The following URB1 variants were observed in gnomAD, a reference collection of about 807,000 sequenced individuals.
URB1 encodes nucleolar pre-ribosomal-associated protein 1.
URB1 carries 197 observed loss-of-function variants against 242.3 expected under a neutral mutation model. That is an observed-to-expected ratio of 0.81 (90% confidence interval 0.72 to 0.91). URB1 has a LOEUF of 0.91. Among genes scored for constraint, URB1 ranks in the 40% least tolerant of loss-of-function variants. The pLI is 0.00. For synonymous variants in URB1, 1,153 were observed against 1,201.8 expected (o/e 0.96, Z 0.84); for missense variants, 2,721 against 2,860.5 (o/e 0.95, Z 1.11).
chr21:32,374,709 C>G (rs1601154064), intron 6 of URB1, among the ~76,000 whole-genome samples: 1 of 152,350 alleles, frequency 6.6e-6, no homozygotes, highest in East Asian at 1.9e-4. Flanking sequence ...CTGGGCATTA[C>G]AGGATGTTCG....
At chr21:32,353,411 C>T (rs550276175) in intron 18 of URB1, among the ~76,000 whole-genome samples, 1 of 152,290 alleles carries the variant, frequency 6.6e-6, no homozygotes, top group East Asian at 1.9e-4. Flanking sequence ...TCCTAAAGGA[C>T]AGCCAACCAG....
Position 32,316,814 on chromosome 21 carries a change from CA to C in URB1, c.6285del (p.Ala2096ProfsTer50). The C allele has an allele frequency of 6.5e-7, 1 of 1,546,732 alleles. No individual in the cohort carries two copies. Among genetic ancestry groups the C allele is most frequent in the East Asian group, 2.5e-5 (1 of 40,802 alleles). On this transcript the variant is annotated frameshift_variant, in exon 38 of 39. Transcript: ENST00000382751. LOFTEE classifies it high-confidence loss of function. The stretch of plus-strand genomic sequence containing the variant: ...ACCCAACTGACTGCCAGGGAAGCGG[CA>C]GCATATACGGGGCCTGGCGCATCGC... ...PESDAPGPVY[A>X]AASLAVSWVL...
At chr21:32,368,801 C>A (rs1028477827) in intron 8 of URB1, among the ~76,000 whole-genome samples, 3 of 151,564 alleles carry the variant, frequency 2.0e-5, no homozygotes, top group Non-Finnish European at 4.4e-5. Context: ...TCATCCTCTA[C>A]TTCTGAGTGG....
rs772285250 is a variant in URB1 at position 32,314,730 on chromosome 21, G to A, written c.*188C>T. ...TCTGATGCTGGGCACCTACAGGCCC[G>A]AGTTTATCATTTACTGGGCAGTTCA... On this transcript the variant is annotated 3_prime_UTR_variant, in exon 39 of 39. Coordinates refer to ENST00000382751, the MANE Select transcript of URB1 (RefSeq NM_014825.3). 18 of 1,499,644 alleles carry A rather than the reference G, an allele frequency of 1.2e-5. No homozygotes were observed. Among genetic ancestry groups the A allele is most frequent in the South Asian group, 9.2e-5 (8 of 87,308 alleles). The allele number at this position is 1,499,644 out of a possible 1,614,324, so 92.9% of individuals were successfully genotyped here. A position where few individuals can be genotyped will look rare whatever the true frequency, so the allele number is the denominator to read the frequency against.
chr21:32,345,186 C>T (rs2033072113), intron 23 of URB1, among the ~76,000 whole-genome samples, 188 bp downstream of exon 23: 1 of 152,080 alleles, frequency 6.6e-6, no homozygotes, highest in Non-Finnish European at 1.5e-5. Flanking sequence ...GAACCCGACC[C>T]AGCCATCTAC....
At chr21:32,380,750 T>C (rs1012969991) in intron 4 of URB1, among the ~76,000 whole-genome samples, 2 of 152,232 alleles carry the variant, frequency 1.3e-5, no homozygotes, top group Admixed American at 6.5e-5. Flanking sequence ...ATGCTAAAAC[T>C]TGCCTGGCAA....
intron 4 of URB1, among the ~76,000 whole-genome samples, chr21:32,380,154 C>G (rs1209633285): frequency 1.3e-5 from 2 of 152,106 alleles, no homozygotes; most frequent in East Asian, 3.9e-4. Context: ...GTGCAAGGAC[C>G]ATACTTGGCA....
Position 32,349,416 on chromosome 21 carries a change from T to C in URB1, c.2900A>G (p.His967Arg), listed in dbSNP as rs1258448428. 1.3e-6 allele frequency: 2 copies of C among 1,551,404 alleles called. No individual in the cohort carries two copies. Among genetic ancestry groups the C allele is most frequent in the Admixed American group, 3.9e-5 (2 of 50,986 alleles). ...FLDLLRRLVVHCEQLDAQNQQ... is the reference protein window; with the variant it reads ...FLDLLRRLVVRCEQLDAQNQQ... The stretch of plus-strand genomic sequence containing the variant: ...GTTCTGGGCATCCAGCTGCTCACAG[T>C]GGACAACCAGGCGCCTGAGGAGATC... Residue 967 changes from histidine (H) to arginine (R), a missense_variant, in exon 21 of 39, where the codon CAC becomes CGC. His to Arg is a conservative substitution (Grantham distance 29). Coordinates refer to ENST00000382751, the MANE Select transcript of URB1 (RefSeq NM_014825.3).
At chr21:32,388,672 C>A (rs1000268913) in intron 1 of URB1, among the ~76,000 whole-genome samples, 5 of 152,212 alleles carry the variant, frequency 3.3e-5, no homozygotes, top group African/African-American at 9.6e-5. Flanking sequence ...GTTATGCATA[C>A]CTACTCTGTC....
In URB1 at chr21:32,316,682, G is replaced by A; in HGVS notation, c.6418C>T (p.Leu2140Phe). The A allele has an allele frequency of 6.4e-7, 1 of 1,551,450 alleles. No individual in the cohort carries two copies. Among genetic ancestry groups the A allele is most frequent in the Middle Eastern group, 1.7e-4 (1 of 5,990 alleles). Residue 2140 changes from leucine to phenylalanine, a missense_variant, in exon 38 of 39, where the codon CTT becomes TTT. Transcript: ENST00000382751. ...CTGCTCCTCACGGCACTGTCCTTAA[G>A]GAGGTCAGCCACGACCACAGGGTGT... ...LPHPVVVADL[L>F]KDSAVRSSIF...
chr21:32,368,590 T>C lies in URB1; in HGVS notation c.1010A>G (p.Asn337Ser), dbSNP rs1601150413. The C allele has an allele frequency of 1.3e-6, 2 of 1,549,568 alleles. No homozygotes were observed. The highest frequency in any genetic ancestry group is 1.4e-5 in the African/African-American group (1 of 72,846). The change falls in exon 9 of 39, where the codon AAC becomes AGC. Residue 337 changes from asparagine to serine, a missense_variant. Asn to Ser is a conservative substitution (Grantham distance 46). Coordinates refer to ENST00000382751, the MANE Select transcript of URB1 (RefSeq NM_014825.3). ...CAGCAAGAAGTGCAAGAGTGTCAGG[T>C]TTCCGCCTCTGTTAGAGAAAGACAC... ...ASLGTFGRGG[N>S]LTLLHFLLGL...
intron 18 of URB1, 42 bp from the exon 19 acceptor site, chr21:32,352,948 C>A: frequency 6.7e-7 from 1 of 1,498,310 alleles, no homozygotes; most frequent in Non-Finnish European, 8.9e-7. Flanking sequence ...GCTGGCTGGG[C>A]CCACCCTTCT....
chr21:32,363,125 A>T (rs1390324029), intron 11 of URB1, 31 bp downstream of exon 11: 7 of 1,541,254 alleles, frequency 4.5e-6, no homozygotes, highest in Non-Finnish European at 6.1e-6. Flanking sequence ...TGAGGTCTGG[A>T]AGGAAAGCCC....
intron 23 of URB1, 82 bp downstream of exon 23, chr21:32,345,292 T>G (rs1429122477): frequency 1.0e-4 from 151 of 1,441,258 alleles, no homozygotes; most frequent in Non-Finnish European, 1.4e-4. Context: ...AATGCAGCAG[T>G]TTTTCAATGA....
Position 32,334,306 on chromosome 21 carries a change from C to A in URB1, c.4714G>T (p.Glu1572Ter). 6.4e-7 allele frequency: 1 copy of A among 1,550,698 alleles called. No homozygotes were observed. Among genetic ancestry groups the A allele is most frequent in the Non-Finnish European group, 8.7e-7 (1 of 1,146,366 alleles). ...AGGCTCCGGCACGTCTTGTGATGCT[C>A]CACGGCCGCTGGGCCCCACAGCAGC... ...RVLLWGPAAV[E>*]HHKTCRSLGR... Residue 1572 changes from glutamate (E) to a stop codon, truncating the protein, a stop_gained, in exon 29 of 39, where the codon GAG (glutamate) becomes TAG (stop). Transcript: ENST00000382751. LOFTEE classifies it high-confidence loss of function.
At chr21:32,361,159 A>AAAAAGAAAG (rs1555839834) in intron 12 of URB1, 36 bp from the exon 13 acceptor site, 1 of 268,418 alleles carries the variant, frequency 3.7e-6, no homozygotes, top group East Asian at 9.1e-5. Flanking sequence ...AAAAAGAGAA[A>AAAAAGAAAG]AAAGAAAGAA....
intron 8 of URB1, among the ~76,000 whole-genome samples, chr21:32,370,975 C>T (rs1364105288): frequency 6.6e-6 from 1 of 152,194 alleles, no homozygotes; most frequent in African/African-American, 2.4e-5. Flanking sequence ...CACCACTTCT[C>T]ACCAATCTGA....
At chr21:32,332,336 T>C (rs1312724983) in intron 30 of URB1, among the ~76,000 whole-genome samples, 2 of 151,792 alleles carry the variant, frequency 1.3e-5, no homozygotes, top group Non-Finnish European at 2.9e-5. Context: ...TTAAAAGCTT[T>C]TGCTCTGTGA....
chr21:32,311,907 T>C lies in URB1; in HGVS notation c.*3011A>G, dbSNP rs2032587477. 1 of 1,613,860 alleles carries C rather than the reference T, an allele frequency of 6.2e-7. No individual in the cohort carries two copies. Among genetic ancestry groups the C allele is most frequent in the South Asian group, 1.1e-5 (1 of 91,082 alleles). On this transcript the variant is annotated 3_prime_UTR_variant, in exon 39 of 39. Coordinates refer to ENST00000382751, the MANE Select transcript of URB1 (RefSeq NM_014825.3). ...TTTCCAGACCCACCCCACTCTCCTC[T>C]GGGAACTGACCCTCAATGGGGGTCC...
Sources: gnomAD v4.1 joint callset for allele counts (sites outside exome capture counted in the v4.1 genomes callset) on GRCh38, gnomAD v4.1.1 for gene constraint, MANE v1.5 for transcripts, NCBI Gene and HGNC (gene_info 2026-07-23, HGNC 2026-07-21) for gene names.